The following LCP2 variants were observed in gnomAD, a reference collection of about 807,000 sequenced individuals.
LCP2 encodes the protein 76 kDa tyrosine phosphoprotein.
A neutral mutation model predicts 74.5 loss-of-function variants in LCP2; 29 were observed. That is an observed-to-expected ratio of 0.39 (90% CI 0.29 to 0.53). The LOEUF (loss-of-function observed/expected upper bound fraction) is 0.53, where lower values mean the gene tolerates loss of function less well. Among genes scored for constraint, LCP2 ranks in the 20% least tolerant of loss-of-function variants. The pLI, the probability that LCP2 is intolerant of heterozygous loss-of-function variation, is 0.72. For missense variants in LCP2, 604 were observed against 634.6 expected, an observed-to-expected ratio of 0.95 and a Z score of 0.52; for synonymous variants, 228 against 229.5, an observed-to-expected ratio of 0.99 and a Z score of 0.06.
At chr5:170,289,707 T>C (rs567657861) in intron 2 of LCP2, among the ~76,000 whole-genome samples, 1 of 145,134 alleles carries the variant, frequency 6.9e-6, no homozygotes, top group African/African-American at 2.6e-5. Context: ...CTTTCCTTCT[T>C]TCTTTCTTTC....
Position 170,275,813 on chromosome 5 carries a change from C to A in LCP2, c.236G>T (p.Arg79Met). The stretch of plus-strand genomic sequence containing the variant: ...CACTCACTTGCGTGTGAAGATGCTC[C>A]TCCTCTCTTCGTTCTTGTTGATTTC... ...SQEINKNEER[R>M]SIFTRKPQVP... Residue 79 changes from arginine to methionine, a missense_variant, in exon 4 of 21, where the codon AGG (arginine) becomes ATG (methionine). Transcript: ENST00000046794. The A allele has an allele frequency of 6.3e-7, 1 of 1,580,398 alleles. No homozygotes were observed. Among genetic ancestry groups the A allele is most frequent in the African/African-American group, 1.3e-5 (1 of 74,486 alleles).
At chr5:170,275,403 T>G in intron 4 of LCP2, 52 bp from the exon 5 acceptor site, 1 of 1,599,944 alleles carries the variant, frequency 6.3e-7, no homozygotes, top group Non-Finnish European at 8.6e-7. Context: ...TAAGGGGATC[T>G]CCCTCTTTCC....
At chr5:170,275,509 A>G (rs1335232297) in intron 4 of LCP2, 158 bp from the exon 5 acceptor site, 3 of 792,706 alleles carry the variant, frequency 3.8e-6, no homozygotes, top group Non-Finnish European at 6.1e-6. Context: ...TGGGGCTAGG[A>G]TACCCTGAAA....
intron 13 of LCP2, among the ~76,000 whole-genome samples, chr5:170,261,427 ACT>A (rs1193797521): frequency 6.7e-5 from 10 of 148,264 alleles, no homozygotes; most frequent in Admixed American, 4.7e-4. Flanking sequence ...ATATATACAC[ACT>A]CTATATGTAT....
chr5:170,286,940 T>C (rs939450199), intron 3 of LCP2, among the ~76,000 whole-genome samples: 3 of 152,186 alleles, frequency 2.0e-5, no homozygotes, highest in African/African-American at 7.2e-5. Flanking sequence ...ATGTAGCCCT[T>C]AGGTGTGTTT....
intron 6 of LCP2, among the ~76,000 whole-genome samples, chr5:170,272,760 G>T (rs780054234): frequency 4.0e-5 from 6 of 151,164 alleles, no homozygotes; most frequent in African/African-American, 1.5e-4. Context: ...CTACAGGCAC[G>T]CACCACCACG....
chr5:170,256,524 A>C lies in LCP2; in HGVS notation c.1150+2T>G. On this transcript the variant is annotated splice_donor_variant, in intron 17 of 20. Coordinates refer to ENST00000046794, the MANE Select transcript of LCP2 (RefSeq NM_005565.5). LOFTEE classifies it high-confidence loss of function. This position sits in a 1 kb window ranked among gnomAD's most constrained non-coding sequence, Gnocchi z 4.5. ...CACGTCACAAAAGCCCAGAGTACAA[A>C]CCTTGAGAGAAGTATGGTGGCAGGG... 1.9e-6 allele frequency: 3 copies of C among 1,612,278 alleles called. No homozygotes were observed. Among genetic ancestry groups the C allele is most frequent in the Non-Finnish European group, 1.7e-6 (2 of 1,178,344 alleles).
In LCP2 at chr5:170,250,881, C is replaced by T; in HGVS notation, c.1328G>A (p.Gly443Asp). 1 of 1,612,768 alleles carries T rather than the reference C, an allele frequency of 6.2e-7. No individual in the cohort carries two copies. Among genetic ancestry groups the T allele is most frequent in the Non-Finnish European group, 8.5e-7 (1 of 1,179,134 alleles). Reference sequence around the variant, plus strand: ...AGAGCTGTCTCTGACCAGAAATGTGCCATCCTAAAAAGACAAATTCCTGTT... The same window carrying T: ...AGAGCTGTCTCTGACCAGAAATGTGTCATCCTAAAAAGACAAATTCCTGTT... ...EAALRKINQD[G>D]TFLVRDSSKK... Residue 443 changes from glycine to aspartate, a missense_variant, in exon 20 of 21, where the codon GGC becomes GAC. Transcript: ENST00000046794.
Position 170,262,991 on chromosome 5 carries a change from T to C in LCP2, c.774A>G (p.Gly258=). ...APFDREPFTL[G]KKPPFSDKPS... Reference sequence around the variant, plus strand: ...CCTTGTCAGAAAATGGTGGTTTCTTTCCTGTAAATGACAGAGAGCAGATGG... The same window carrying C: ...CCTTGTCAGAAAATGGTGGTTTCTTCCCTGTAAATGACAGAGAGCAGATGG... The change falls in exon 11 of 21, where the codon GGA becomes GGG. Residue 258 remains glycine, a splice_region_variant and synonymous_variant. Coordinates refer to ENST00000046794, the MANE Select transcript of LCP2 (RefSeq NM_005565.5). The C allele has an allele frequency of 2.5e-6, 4 of 1,613,886 alleles. No homozygotes were observed. Among genetic ancestry groups the C allele is most frequent in the Non-Finnish European group, 3.4e-6 (4 of 1,179,824 alleles).
At chr5:170,289,702 CTTCT>C (rs1373743181) in intron 2 of LCP2, among the ~76,000 whole-genome samples, 8 of 95,736 alleles carry the variant, frequency 8.4e-5, no homozygotes, top group African/African-American at 1.5e-4. Flanking sequence ...TCTTTCTTTC[CTTCT>C]TTCTTTCTTT....
chr5:170,254,344 A>G (rs1761511533), intron 17 of LCP2, among the ~76,000 whole-genome samples: 1 of 152,176 alleles, frequency 6.6e-6, no homozygotes, highest in African/African-American at 2.4e-5. Flanking sequence ...GTTCTACACC[A>G]CGGATTGTCA....
At chr5:170,266,310 A>G (rs1220498840) in intron 10 of LCP2, among the ~76,000 whole-genome samples, 1 of 152,234 alleles carries the variant, frequency 6.6e-6, no homozygotes, top group Non-Finnish European at 1.5e-5. Context: ...GGATTTATAA[A>G]GCATTTTCTA....
chr5:170,275,486 G>T, intron 4 of LCP2, 135 bp from the exon 5 acceptor site: 1 of 1,001,720 alleles, frequency 1.0e-6, no homozygotes, highest in Non-Finnish European at 1.5e-6. Context: ...TTGTATCCTT[G>T]CTGCTCAGCA....
chr5:170,249,362 GTATATA>G (rs72371153), intron 20 of LCP2, among the ~76,000 whole-genome samples: 2 of 108,146 alleles, frequency 1.8e-5, no homozygotes, highest in African/African-American at 3.1e-5. Context: ...GCATGCGTGT[GTATATA>G]TATATATATA....
At chr5:170,282,853 C>T (rs1273402762) in intron 3 of LCP2, among the ~76,000 whole-genome samples, 1 of 152,188 alleles carries the variant, frequency 6.6e-6, no homozygotes, top group Non-Finnish European at 1.5e-5. Context: ...AGAGCCTGCG[C>T]TTTTTCTCAC....
chr5:170,292,722 C>T (rs968118670), intron 2 of LCP2, among the ~76,000 whole-genome samples: 4 of 152,186 alleles, frequency 2.6e-5, no homozygotes, highest in African/African-American at 4.8e-5. Context: ...ACCACCTCCC[C>T]GACCACAACC....
rs749822821 is a variant in LCP2 at position 170,267,076 on chromosome 5, CT to C, written c.622-2del. 1 of 1,613,770 alleles carries C rather than the reference CT, an allele frequency of 6.2e-7. No individual in the cohort carries two copies. Among genetic ancestry groups the C allele is most frequent in the Non-Finnish European group, 8.5e-7 (1 of 1,179,882 alleles). ...GGTTGGTCTGGGGTGGGGGCAGTGG[CT>C]GCATAAAGATCCAAACGTTAGGAAG... On this transcript the variant is annotated splice_acceptor_variant, in intron 8 of 20. Transcript: ENST00000046794. LOFTEE classifies it high-confidence loss of function.
intron 8 of LCP2, among the ~76,000 whole-genome samples, chr5:170,267,891 A>G (rs1761797808): frequency 6.6e-6 from 1 of 152,182 alleles, no homozygotes; most frequent in South Asian, 2.1e-4. Context: ...ATTCCTAACT[A>G]TCAAGTCCTT....
intron 5 of LCP2, among the ~76,000 whole-genome samples, chr5:170,274,709 C>T (rs1428870830): frequency 6.6e-6 from 1 of 152,132 alleles, no homozygotes. Context: ...AGTTGAAAAG[C>T]TGCTTTACTG....
Sources: gnomAD v4.1 joint callset for allele counts (sites outside exome capture counted in the v4.1 genomes callset) on GRCh38, gnomAD v4.1.1 for gene constraint, Gnocchi (gnomAD v3.1) non-coding constraint, MANE v1.5 for transcripts, NCBI Gene and HGNC (gene_info 2026-07-23, HGNC 2026-07-21) for gene names.